The following SSBP2 variants were observed in gnomAD, a reference collection of about 807,000 sequenced individuals.
The protein encoded by SSBP2 is single stranded DNA binding protein 2.
Under a neutral mutation model 61.8 loss-of-function variants are expected in SSBP2, and 17 were observed. The ratio of observed to expected loss-of-function variants is 0.28; its 90% CI spans 0.19 to 0.41. SSBP2 has a LOEUF of 0.41. SSBP2 is among the 10% of genes least tolerant of loss of function. SSBP2 has a pLI of 1.00. For missense variants in SSBP2, 310 were observed against 458.7 expected, an observed-to-expected ratio of 0.68 and a Z score of 2.96; for synonymous variants, 139 against 141.3, an observed-to-expected ratio of 0.98 and a Z score of 0.12.
intron 1 of SSBP2, among the ~76,000 whole-genome samples, chr5:81,683,469 CA>C (rs1554111985): frequency 6.6e-6 from 1 of 151,944 alleles, no homozygotes; most frequent in Non-Finnish European, 1.5e-5. Context: ...GTGCCCTTCA[CA>C]AAAAAATTAA....
chr5:81,562,948 C>T (rs1313412741), intron 4 of SSBP2, among the ~76,000 whole-genome samples: 2 of 152,052 alleles, frequency 1.3e-5, no homozygotes, highest in African/African-American at 4.8e-5. Context: ...GGGAAGACTC[C>T]GTATTACTAT....
chr5:81,527,541 T>C (rs998962223), intron 4 of SSBP2, among the ~76,000 whole-genome samples: 2 of 152,024 alleles, frequency 1.3e-5, no homozygotes, highest in Admixed American at 6.6e-5. Flanking sequence ...GGGAGAAGCA[T>C]AAGTTAATCT....
chr5:81,446,956 G>A, intron 11 of SSBP2, 34 bp from the exon 12 acceptor site: 1 of 1,517,520 alleles, frequency 6.6e-7, no homozygotes, highest in Non-Finnish European at 8.9e-7. Flanking sequence ...GTAAAAATAA[G>A]GCATTGCATA....
chr5:81,455,144 A>G (rs1253750034), intron 10 of SSBP2, among the ~76,000 whole-genome samples: 2 of 150,890 alleles, frequency 1.3e-5, no homozygotes, highest in Non-Finnish European at 3.0e-5. Flanking sequence ...TGTCCTACAA[A>G]TATTTCAAAT....
At chr5:81,634,802 C>G (rs1053911291) in intron 3 of SSBP2, among the ~76,000 whole-genome samples, 2 of 152,252 alleles carry the variant, frequency 1.3e-5, no homozygotes, top group Non-Finnish European at 2.9e-5. Context: ...CATCCCCCTT[C>G]TCTATCTCTC....
At chr5:81,466,698 T>C (rs1399904890) in intron 9 of SSBP2, among the ~76,000 whole-genome samples, 2 of 151,954 alleles carry the variant, frequency 1.3e-5, no homozygotes, top group African/African-American at 4.8e-5. Flanking sequence ...TAAAAGCTGT[T>C]ATTTATAGCA....
At chr5:81,699,854 CTTTTTT>C (rs3081889) in intron 1 of SSBP2, among the ~76,000 whole-genome samples, 12 of 124,862 alleles carry the variant, frequency 9.6e-5, no homozygotes, top group African/African-American at 1.2e-4. Context: ...AAATCAATTT[CTTTTTT>C]TTTTTTTTTT....
intron 1 of SSBP2, among the ~76,000 whole-genome samples, chr5:81,731,959 G>A (rs1450402121): frequency 6.6e-6 from 1 of 151,882 alleles, no homozygotes; most frequent in African/African-American, 2.4e-5. Context: ...GTGCATTGAG[G>A]CACTGGATTT....
chr5:81,497,542 A>T (rs1767381571), intron 5 of SSBP2, among the ~76,000 whole-genome samples: 1 of 152,188 alleles, frequency 6.6e-6, no homozygotes, highest in African/African-American at 2.4e-5. Context: ...GTAAAGAGTA[A>T]ATCAGACTAT....
intron 4 of SSBP2, among the ~76,000 whole-genome samples, chr5:81,541,873 G>A (rs781023096): frequency 3.9e-5 from 6 of 152,154 alleles, no homozygotes; most frequent in Non-Finnish European, 8.8e-5. Flanking sequence ...AAAGAATTAC[G>A]ACTAAGTCCT....
chr5:81,685,140 T>C (rs2153821569), intron 1 of SSBP2, among the ~76,000 whole-genome samples: 1 of 152,280 alleles, frequency 6.6e-6, no homozygotes, highest in East Asian at 1.9e-4. Flanking sequence ...CTTCACCTTC[T>C]GCCATGATTT....
chr5:81,579,037 G>A (rs1282666838), intron 4 of SSBP2, among the ~76,000 whole-genome samples: 1 of 152,012 alleles, frequency 6.6e-6, no homozygotes, highest in Non-Finnish European at 1.5e-5. Flanking sequence ...TTTGAGTAGA[G>A]CTTGATAAAA....
intron 4 of SSBP2, among the ~76,000 whole-genome samples, chr5:81,595,089 C>A (rs1426680941): frequency 4.6e-5 from 7 of 152,006 alleles, no homozygotes. Context: ...AATTTATAGA[C>A]CACTAGCAAG....
chr5:81,605,835 G>C (rs1160495965), intron 4 of SSBP2, among the ~76,000 whole-genome samples: 4 of 152,146 alleles, frequency 2.6e-5, no homozygotes, highest in Non-Finnish European at 4.4e-5. Context: ...TGAATGATGG[G>C]AGAGCTTTCA....
chr5:81,717,462 T>C (rs1755239626), intron 1 of SSBP2, among the ~76,000 whole-genome samples: 1 of 152,142 alleles, frequency 6.6e-6, no homozygotes, highest in Non-Finnish European at 1.5e-5. Flanking sequence ...GCCTTCTACA[T>C]GACATGTAGA....
At chr5:81,594,406 C>A (rs1021238665) in intron 4 of SSBP2, among the ~76,000 whole-genome samples, 1 of 152,108 alleles carries the variant, frequency 6.6e-6, no homozygotes, top group East Asian at 1.9e-4. Context: ...GACTTTAACA[C>A]CCCACTGTCA....
chr5:81,446,827 C>T, intron 12 of SSBP2, 41 bp downstream of exon 12: 2 of 1,562,684 alleles, frequency 1.3e-6, no homozygotes, highest in Non-Finnish European at 1.7e-6. Flanking sequence ...TGATTTTATT[C>T]TAATAATCAA....
chr5:81,644,106 A>G (rs1296074360), intron 2 of SSBP2, among the ~76,000 whole-genome samples: 1 of 152,186 alleles, frequency 6.6e-6, no homozygotes, highest in Non-Finnish European at 1.5e-5. Context: ...CATAATAGTC[A>G]CACATAATTA....
chr5:81,656,879 T>C (rs1436037188), intron 1 of SSBP2, among the ~76,000 whole-genome samples: 1 of 152,020 alleles, frequency 6.6e-6, no homozygotes, highest in Admixed American at 6.6e-5. Flanking sequence ...GAAAATAACA[T>C]GGCAAAATGA....
Sources: gnomAD v4.1 joint callset for allele counts (sites outside exome capture counted in the v4.1 genomes callset) on GRCh38, gnomAD v4.1.1 for gene constraint, MANE v1.5 for transcripts, NCBI Gene and HGNC (gene_info 2026-07-23, HGNC 2026-07-21) for gene names.